USP25: variants seen among roughly 807,000 people sequenced by gnomAD.
The protein encoded by USP25 is ubiquitin specific peptidase 25, also known as ubiquitin carboxyl-terminal hydrolase 25.
Under a neutral mutation model 158.5 loss-of-function variants are expected in USP25, and 85 were observed. The observed-to-expected ratio is 0.54, with a 90% CI of 0.45 to 0.64. The LOEUF is 0.64. USP25 is among the 30% of genes least tolerant of loss of function. USP25 has a pLI of 0.00. For missense variants in USP25, 1,242 were observed against 1,327.3 expected (o/e 0.94, Z 1.00); for synonymous variants, 464 against 460.4 (o/e 1.01, Z -0.10).
At chr21:15,799,674 A>AC in intron 5 of USP25, 83 bp from the exon 6 acceptor site, 1 of 910,142 alleles carries the variant, frequency 1.1e-6, no homozygotes. Flanking sequence ...AGTTGTAAAA[A>AC]ATAAACCTCC....
chr21:15,841,639 T>C (rs2038339955), intron 17 of USP25, among the ~76,000 whole-genome samples: 1 of 152,174 alleles, frequency 6.6e-6, no homozygotes, highest in Non-Finnish European at 1.5e-5. Context: ...ATTGTTCCCA[T>C]ATAAAGTGTT....
chr21:15,824,266 TCTA>T, intron 11 of USP25, 100 bp downstream of exon 11: 2 of 1,435,442 alleles, frequency 1.4e-6, no homozygotes, highest in Non-Finnish European at 1.9e-6. Flanking sequence ...AGAATTAATT[TCTA>T]CTTTTGCATA....
Position 15,874,449 on chromosome 21 carries a change from A to T in USP25, c.2932A>T (p.Lys978Ter). Residue 978 changes from lysine to a stop codon, truncating the protein, a stop_gained, in exon 24 of 26, where the codon AAA becomes TAA. Coordinates refer to ENST00000400183, the MANE Select transcript of USP25 (RefSeq NM_001283041.3). LOFTEE classifies it high-confidence loss of function. ...CCTCATCTGTGCTTATCAGAATAACAAAGAACTCTTGTCTAAAGGCTTATA... is the reference window on the plus strand; with the variant it reads ...CCTCATCTGTGCTTATCAGAATAACTAAGAACTCTTGTCTAAAGGCTTATA... ...LFLICAYQNN[K>*]ELLSKGLYRG... 1 of 1,611,426 alleles carries T rather than the reference A, an allele frequency of 6.2e-7. No homozygotes were observed. Among genetic ancestry groups the T allele is most frequent in the Non-Finnish European group, 8.5e-7 (1 of 1,178,572 alleles).
intron 1 of USP25, among the ~76,000 whole-genome samples, chr21:15,741,813 A>T (rs944859054): frequency 6.6e-6 from 1 of 152,066 alleles, no homozygotes; most frequent in Admixed American, 6.6e-5. Flanking sequence ...AGATTGCACA[A>T]TTTTTTTTGT....
intron 16 of USP25, among the ~76,000 whole-genome samples, 156 bp from the exon 17 acceptor site, chr21:15,833,192 A>T (rs1453831310): frequency 6.6e-6 from 1 of 152,198 alleles, no homozygotes; most frequent in Non-Finnish European, 1.5e-5. Context: ...TGTAGATAAT[A>T]ATTATTTGCT....
In USP25 at chr21:15,831,737, A is replaced by G. The variant is rs2037814905; in HGVS notation, c.1993+108A>G. On this transcript the variant is annotated intron_variant, in intron 16 of 25. Transcript: ENST00000400183. ...CACTCAGACGATGAAGGATGTGGTTAGGAAATGCTACTGGGTTTTGACAAG... is the reference window on the plus strand; with the variant it reads ...CACTCAGACGATGAAGGATGTGGTTGGGAAATGCTACTGGGTTTTGACAAG... The G allele has an allele frequency of 3.9e-5, 36 of 915,642 alleles. 2 individuals are homozygous for G. The South Asian group carries it at 5.1e-4, about 13-fold the overall frequency. 56.7% of individuals were successfully genotyped at this position (915,642 alleles called of 1,614,324 possible). A position where few individuals can be genotyped will look rare whatever the true frequency, so the allele number is the denominator to read the frequency against.
chr21:15,874,295 T>C (rs1345276529), intron 23 of USP25, 108 bp from the exon 24 acceptor site: 1 of 1,018,738 alleles, frequency 9.8e-7, no homozygotes, highest in African/African-American at 1.7e-5. Context: ...TATTATAATG[T>C]AGATTATCAA....
intron 4 of USP25, among the ~76,000 whole-genome samples, chr21:15,790,482 A>G (rs1341914168): frequency 1.3e-5 from 2 of 151,974 alleles, no homozygotes; most frequent in Admixed American, 6.6e-5. Flanking sequence ...CATTAATCTG[A>G]TAGGATAAAA....
Position 15,799,851 on chromosome 21 carries a change from T to A in USP25, c.642+8T>A. On this transcript the variant is annotated splice_region_variant and intron_variant, in intron 6 of 25. Transcript: ENST00000400183. ...TTACCCCGAAACCAAAAGGTAAAAT[T>A]CAAAAGATTTTTTTAAGCAGTATAT... The A allele has an allele frequency of 6.3e-7, 1 of 1,597,420 alleles. No individual in the cohort carries two copies. Among genetic ancestry groups the A allele is most frequent in the Middle Eastern group, 1.7e-4 (1 of 5,960 alleles).
At position 15,827,180 on chromosome 21, in the gene USP25, C is replaced by T. The variant is rs777175563; in HGVS notation, c.1670C>T (p.Thr557Ile). 2.5e-6 allele frequency: 4 copies of T among 1,614,038 alleles called. No homozygotes were observed. Among genetic ancestry groups the T allele is most frequent in the Non-Finnish European group, 3.4e-6 (4 of 1,179,978 alleles). ...GAAAGTTGTTTACATCGCTGGAGGA[C>T]AGAAATAGAAAATGACACCAGAGGT... ...VLESCLHRWR[T>I]EIENDTRDLQ... is the part of the protein sequence containing the mutation. The change falls in exon 14 of 26, where the codon ACA (threonine) becomes ATA (isoleucine). Residue 557 changes from threonine (T) to isoleucine (I), a missense_variant. Coordinates refer to ENST00000400183, the MANE Select transcript of USP25 (RefSeq NM_001283041.3).
At chr21:15,776,081 C>T (rs2034640376) in intron 3 of USP25, among the ~76,000 whole-genome samples, 1 of 151,952 alleles carries the variant, frequency 6.6e-6, no homozygotes, top group African/African-American at 2.4e-5. Context: ...TGAGGCATTC[C>T]ATACCTTTTT....
At position 15,818,851 on chromosome 21, in the gene USP25, G is replaced by GT; in HGVS notation, c.1080+8dup. ...TCAGGAAAATCAGGCCAAGAGGTGA[G>GT]TTTAACATTTTCATTGTCCCCTTTC... On this transcript the variant is annotated splice_donor_region_variant and intron_variant, in intron 10 of 25. Coordinates refer to ENST00000400183, the MANE Select transcript of USP25 (RefSeq NM_001283041.3). 1 of 1,613,034 alleles carries GT rather than the reference G, an allele frequency of 6.2e-7. No homozygotes were observed. Among genetic ancestry groups the GT allele is most frequent in the Non-Finnish European group, 8.5e-7 (1 of 1,179,400 alleles).
intron 6 of USP25, among the ~76,000 whole-genome samples, chr21:15,801,748 A>G (rs2146257839): frequency 1.3e-5 from 2 of 151,714 alleles, no homozygotes; most frequent in Middle Eastern, 6.8e-3. Context: ...TACATTTGGG[A>G]TTACTTTGAT....
In USP25 at chr21:15,877,975, T is replaced by C; in HGVS notation, c.3189T>C (p.Leu1063=). Residue 1063 remains leucine, a synonymous_variant, in exon 25 of 26, where the codon CTT becomes CTC. Transcript: ENST00000400183. ...TGAGAAATCGATGGTGTTCCTACCT[T>C]GGTCAAGAAATGGAACGTAAGTTTA... is the stretch of plus-strand genomic sequence containing the variant. ...EDMRNRWCSY[L]GQEMEPHLQE... 6.2e-7 allele frequency: 1 copy of C among 1,609,568 alleles called. No individual in the cohort carries two copies. Among genetic ancestry groups the C allele is most frequent in the Non-Finnish European group, 8.5e-7 (1 of 1,178,096 alleles).
At chr21:15,876,231 A>T (rs562172356) in intron 24 of USP25, 1 of 152,298 alleles carries the variant, frequency 6.6e-6, no homozygotes, top group South Asian at 2.1e-4. Flanking sequence ...TTTATATATC[A>T]TTTAATGCAT....
intron 14 of USP25, 144 bp downstream of exon 14, chr21:15,827,347 G>A: frequency 2.7e-6 from 2 of 740,602 alleles, no homozygotes; most frequent in Non-Finnish European, 2.1e-6. Context: ...AGATAAACTA[G>A]TTTGGCTCCC....
chr21:15,759,659 C>G (rs1471367749), intron 1 of USP25, among the ~76,000 whole-genome samples: 1 of 152,114 alleles, frequency 6.6e-6, no homozygotes, highest in East Asian at 1.9e-4. Context: ...AATGAAGCCT[C>G]CAAGTTGCAG....
intron 1 of USP25, among the ~76,000 whole-genome samples, chr21:15,730,839 A>G (rs1411534745): frequency 6.6e-6 from 1 of 152,210 alleles, no homozygotes. Context: ...CAGGCCTGCT[A>G]TTTTGCAAAA....
intron 3 of USP25, among the ~76,000 whole-genome samples, chr21:15,770,997 A>G (rs111437055): frequency 1.8e-4 from 27 of 152,328 alleles, no homozygotes; most frequent in African/African-American, 5.8e-4. Context: ...AATTTTGAAT[A>G]TATAAAAGAT....
Sources: allele counts gnomAD v4.1 joint callset (sites outside exome capture counted in the v4.1 genomes callset), GRCh38; gene constraint gnomAD v4.1.1; transcripts MANE v1.5; gene names NCBI Gene and HGNC (gene_info 2026-07-23, HGNC 2026-07-21).